Variants in MRPL19 observed in about 807,000 individuals in gnomAD.
MRPL19 encodes the protein large ribosomal subunit protein bL19m.
MRPL19 carries 31 observed loss-of-function variants against 34.0 expected under a neutral mutation model. The observed-to-expected ratio is 0.91, with a 90% confidence interval of 0.68 to 1.23. The LOEUF is 1.23. MRPL19 is among the 50% of genes most tolerant of loss of function. The pLI, the probability that MRPL19 is intolerant of heterozygous loss-of-function variation, is 0.00. For synonymous variants in MRPL19, 152 were observed against 127.7 expected (o/e 1.19, Z -1.28); for missense variants, 384 against 367.6 (o/e 1.04, Z -0.37).
In MRPL19 at chr2:75,660,439, G is replaced by GT. The variant is rs1170966468; in HGVS notation, c.*5155dup. ...TGCTGTCTTTTTGTTGTTGAAAACT[G>GT]TATGTTTGAACATCATAACGTGGTG... On this transcript the variant is annotated 3_prime_UTR_variant, in exon 6 of 6. Transcript: ENST00000393909. 15 of 152,090 alleles carry GT rather than the reference G, an allele frequency of 9.9e-5. No individual in the cohort carries two copies. Among genetic ancestry groups the GT allele is most frequent in the African/African-American group, 3.6e-4 (15 of 41,396 alleles). 9.4% of individuals were successfully genotyped at this position (152,090 alleles called of 1,614,324 possible). A position where few individuals can be genotyped will look rare whatever the true frequency, so the allele number is the denominator to read the frequency against.
At chr2:75,648,515 A>G (rs555985689) in intron 2 of MRPL19, among the ~76,000 whole-genome samples, 1 of 151,948 alleles carries the variant, frequency 6.6e-6, no homozygotes, top group Non-Finnish European at 1.5e-5. Flanking sequence ...ATCTGTGTGT[A>G]AAAAAAACCT....
rs1402784020 is a variant in MRPL19, at chr2:75,652,539, T to C, written c.357T>C (p.Val119=). 6 of 1,612,954 alleles carry C rather than the reference T, an allele frequency of 3.7e-6. No homozygotes were observed. The highest frequency in any genetic ancestry group is 3.4e-6 in the Non-Finnish European group (4 of 1,179,586). The stretch of plus-strand genomic sequence containing the variant: ...AATTTGTAGGAAGTATTCTTCGTGT[T>C]ACTACAGCTGACCCATATGCCAGTG... ...PEFYVGSILR[V]TTADPYASGK... is the part of the protein sequence containing the mutation. The change falls in exon 4 of 6, where the codon GTT becomes GTC. Residue 119 remains valine, a synonymous_variant. Coordinates refer to ENST00000393909, the MANE Select transcript of MRPL19 (RefSeq NM_014763.4).
At position 75,660,047 on chromosome 2, in the gene MRPL19, T is replaced by A. The variant is rs555365207; in HGVS notation, c.*4762T>A. ...CACCAGTTTCTTAGGCTGTGTTCTC[T>A]TTTGTTCCTCAGACTTGATTATTGC... On this transcript the variant is annotated 3_prime_UTR_variant, in exon 6 of 6. Coordinates refer to ENST00000393909, the MANE Select transcript of MRPL19 (RefSeq NM_014763.4). Among the ~76,000 whole-genome samples, 1 of 152,304 alleles carries A rather than the reference T, an allele frequency of 6.6e-6. No individual in the cohort carries two copies. The highest frequency in any genetic ancestry group is 6.5e-5 in the Admixed American group (1 of 15,292).
chr2:75,655,151 T>G lies in MRPL19; in HGVS notation c.745T>G (p.Leu249Val). 1 of 1,613,294 alleles carries G rather than the reference T, an allele frequency of 6.2e-7. No homozygotes were observed. The highest frequency in any genetic ancestry group is 1.3e-5 in the African/African-American group (1 of 74,968). The change falls in exon 6 of 6, where the codon TTA becomes GTA. Residue 249 changes from leucine to valine, a missense_variant. Physicochemically the swap from Leu to Val is conservative, Grantham distance 32 (BLOSUM62 1). Coordinates refer to ENST00000393909, the MANE Select transcript of MRPL19 (RefSeq NM_014763.4). ...TAAAGGAATCAGATTTGATCTTTGTTTAACTGAACAGCAAATGAAAGAAGC... is the reference window on the plus strand; with the variant it reads ...TAAAGGAATCAGATTTGATCTTTGTGTAACTGAACAGCAAATGAAAGAAGC... ...NIKGIRFDLC[L>V]TEQQMKEAQK...
intron 2 of MRPL19, chr2:75,647,633 A>C (rs1316664380): frequency 6.3e-6 from 1 of 159,226 alleles, no homozygotes; most frequent in African/African-American, 2.4e-5. Context: ...AAGTTTTGGC[A>C]GACAAAGCAC....
chr2:75,659,435 A>C lies in MRPL19; in HGVS notation c.*4150A>C, dbSNP rs1678549178. On this transcript the variant is annotated 3_prime_UTR_variant, in exon 6 of 6. Transcript: ENST00000393909. ...CAGTATGATAGTAATACTGACTTTT[A>C]TATTTGTCAATATATTTATCTTATT... Among the ~76,000 whole-genome samples, 1 of 152,156 alleles carries C rather than the reference A, an allele frequency of 6.6e-6. No individual in the cohort carries two copies. Among genetic ancestry groups the C allele is most frequent in the South Asian group, 2.1e-4 (1 of 4,832 alleles).
Position 75,652,660 on chromosome 2 carries a change from A to G in MRPL19, c.475+3A>G. ...TAGGAATGTTATCGAAGGACAAGGT[A>G]AGTTTTATTTCATCATTTTCATTGT... On this transcript the variant is annotated splice_donor_region_variant and intron_variant, in intron 4 of 5. Transcript: ENST00000393909. 2 of 1,610,430 alleles carry G rather than the reference A, an allele frequency of 1.2e-6. No homozygotes were observed. Among genetic ancestry groups the G allele is most frequent in the Non-Finnish European group, 1.7e-6 (2 of 1,178,640 alleles).
chr2:75,660,690 C>G lies in MRPL19; in HGVS notation c.*5405C>G, dbSNP rs990432799. 5 of 152,154 alleles carry G rather than the reference C, an allele frequency of 3.3e-5. No individual in the cohort carries two copies. Among genetic ancestry groups the G allele is most frequent in the African/African-American group, 1.2e-4 (5 of 41,434 alleles). 9.4% of individuals were successfully genotyped at this position (152,154 alleles called of 1,614,324 possible). On this transcript the variant is annotated 3_prime_UTR_variant, in exon 6 of 6. Transcript: ENST00000393909. ...AAAACTAGCAGAAAAATCTCTCTCCCAGTCTTTCCAGTCTTTGTAGATTGG... is the reference window on the plus strand; with the variant it reads ...AAAACTAGCAGAAAAATCTCTCTCCGAGTCTTTCCAGTCTTTGTAGATTGG...
chr2:75,654,481 A>G (rs1254312347), intron 4 of MRPL19, among the ~76,000 whole-genome samples: 1 of 152,220 alleles, frequency 6.6e-6, no homozygotes, highest in Non-Finnish European at 1.5e-5. Flanking sequence ...ATGTGACTCA[A>G]CATATTTCTA....
chr2:75,650,555 AC>A (rs1225289769), intron 2 of MRPL19, among the ~76,000 whole-genome samples: 3 of 152,178 alleles, frequency 2.0e-5, no homozygotes, highest in Non-Finnish European at 4.4e-5. Context: ...ATGGGACATT[AC>A]CCAAGGTCCC....
rs72916039 is a variant in MRPL19, at chr2:75,647,051, G to C, written c.104-51G>C. On this transcript the variant is annotated intron_variant, in intron 1 of 5. Coordinates refer to ENST00000393909, the MANE Select transcript of MRPL19 (RefSeq NM_014763.4). Reference sequence around the variant, plus strand: ...TTGGGGGAGATTGCGGGGCTCTGCGGGATCTCAGGGTTGGCACGAGAGTTC... The same window carrying C: ...TTGGGGGAGATTGCGGGGCTCTGCGCGATCTCAGGGTTGGCACGAGAGTTC... The C allele has an allele frequency of 3.5e-3, 5,322 of 1,522,488 alleles. 155 individuals are homozygous for C. The African/African-American group carries it at 0.063, about 18-fold the overall frequency. 94.3% of individuals were successfully genotyped at this position (1,522,488 alleles called of 1,614,324 possible).
intron 2 of MRPL19, chr2:75,651,286 G>A: frequency 3.9e-6 from 2 of 512,108 alleles, no homozygotes; most frequent in South Asian, 2.9e-5. Context: ...ACGATGTGCT[G>A]CAGCTGTGTC....
chr2:75,655,029 GC>G (rs1678413256), intron 5 of MRPL19, 34 bp from the exon 6 acceptor site: 3 of 1,052,452 alleles, frequency 2.9e-6, no homozygotes, highest in South Asian at 1.6e-5. Context: ...CCTAATTATT[GC>G]TTTTTTTTTT....
Position 75,655,626 on chromosome 2 carries a change from C to T in MRPL19, c.*341C>T. 1 of 177,222 alleles carries T rather than the reference C, an allele frequency of 5.6e-6. No individual in the cohort carries two copies. The highest frequency in any genetic ancestry group is 1.2e-5 in the Non-Finnish European group (1 of 85,240). 11.0% of individuals were successfully genotyped at this position (177,222 alleles called of 1,614,324 possible). ...TTAATTGTGAAACAATTCATAAGCACAATATGATTTACAGAATAATAAACA... is the reference window on the plus strand; with the variant it reads ...TTAATTGTGAAACAATTCATAAGCATAATATGATTTACAGAATAATAAACA... On this transcript the variant is annotated 3_prime_UTR_variant, in exon 6 of 6. Coordinates refer to ENST00000393909, the MANE Select transcript of MRPL19 (RefSeq NM_014763.4).
At chr2:75,655,042 T>TTTTTTTTTTTA in intron 5 of MRPL19, 22 bp from the exon 6 acceptor site, 1 of 1,461,286 alleles carries the variant, frequency 6.8e-7, no homozygotes, top group Non-Finnish European at 9.1e-7. Flanking sequence ...TTTTTTTTTT[T>TTTTTTTTTTTA]TTTTTTTTTA....
At chr2:75,651,218 A>G in intron 2 of MRPL19, 3 of 417,486 alleles carry the variant, frequency 7.2e-6, no homozygotes, top group Admixed American at 2.7e-5. Context: ...TTAATCCACC[A>G]ACCCAAATCC....
Position 75,660,134 on chromosome 2 carries a change from T to C in MRPL19, c.*4849T>C, listed in dbSNP as rs994677217. 2.6e-5 allele frequency among the ~76,000 whole-genome samples: 4 copies of C among 152,136 alleles called. No homozygotes were observed. The highest frequency in any genetic ancestry group is 9.7e-5 in the African/African-American group (4 of 41,450). On this transcript the variant is annotated 3_prime_UTR_variant, in exon 6 of 6. Transcript: ENST00000393909. ...TTCTTCTCCCTGTTCAGATCAACTG[T>C]TGAACTCCTCTAGTGAATTTATTTC... is the stretch of plus-strand genomic sequence containing the variant.
chr2:75,655,404 T>A lies in MRPL19; in HGVS notation c.*119T>A. On this transcript the variant is annotated 3_prime_UTR_variant, in exon 6 of 6. Coordinates refer to ENST00000393909, the MANE Select transcript of MRPL19 (RefSeq NM_014763.4). ...AATTAAGTGAACTAAGCATTCATTG[T>A]TTTATTAATACTTTTTTTCTAAAAT... is the stretch of plus-strand genomic sequence containing the variant. The A allele has an allele frequency of 1.4e-6, 1 of 718,912 alleles. No homozygotes were observed. Among genetic ancestry groups the A allele is most frequent in the Non-Finnish European group, 2.2e-6 (1 of 451,096 alleles). The allele number at this position is 718,912 out of a possible 1,614,324, so 44.5% of individuals were successfully genotyped here.
At chr2:75,649,131 T>G (rs931554645) in intron 2 of MRPL19, among the ~76,000 whole-genome samples, 7 of 151,936 alleles carry the variant, frequency 4.6e-5, no homozygotes, top group Non-Finnish European at 5.9e-5. Context: ...AATCCAGAGA[T>G]GAGATAGTAG....
Sources: allele counts gnomAD v4.1 joint callset (sites outside exome capture counted in the v4.1 genomes callset), GRCh38; gene constraint gnomAD v4.1.1; transcripts MANE v1.5; gene names NCBI Gene and HGNC (gene_info 2026-07-23, HGNC 2026-07-21).